UBR2: variants seen among roughly 807,000 people sequenced by gnomAD.
The protein encoded by UBR2 is E3 ubiquitin-protein ligase UBR2.
A neutral mutation model predicts 247.9 loss-of-function variants in UBR2; 92 were observed. That is an observed-to-expected ratio of 0.37 (90% CI 0.31 to 0.44). The LOEUF (loss-of-function observed/expected upper bound fraction) is 0.44. UBR2 is among the 20% of genes least tolerant of loss of function. The pLI is 1.00. For synonymous variants in UBR2, 672 were observed against 693.5 expected (o/e 0.97, Z 0.49); for missense variants, 1,613 against 2,112.6 (o/e 0.76, Z 4.64).
intron 2 of UBR2, among the ~76,000 whole-genome samples, chr6:42,583,990 G>A (rs1248739296): frequency 8.8e-6 from 1 of 113,194 alleles, no homozygotes; most frequent in Non-Finnish European, 1.7e-5. Flanking sequence ...TCTCCCCATT[G>A]AATTTTTTTT....
At chr6:42,614,328 G>GTATATGTGTATATGTGTATGTA (rs1794332494) in intron 8 of UBR2, among the ~76,000 whole-genome samples, 1 of 137,170 alleles carries the variant, frequency 7.3e-6, no homozygotes, top group Non-Finnish European at 1.5e-5. Flanking sequence ...GTATATATGT[G>GTATATGTGTATATGTGTATGTA]TATATGTGTA....
At chr6:42,619,451 A>AAATTTTTTT (rs1554251924) in intron 11 of UBR2, 1 of 22,998 alleles carries the variant, frequency 4.3e-5, no homozygotes, top group African/African-American at 1.1e-4. Flanking sequence ...ATATATATAT[A>AAATTTTTTT]TATTTTTTTT....
In UBR2 at chr6:42,678,533, T is replaced by G. The variant is rs201976643; in HGVS notation, c.4479-6T>G. The G allele has an allele frequency of 1.8e-3, 2,873 of 1,600,990 alleles. 5 individuals carry two copies. Among genetic ancestry groups the G allele is most frequent in the Non-Finnish European group, 2.3e-3 (2,738 of 1,176,940 alleles). ...ATTTCCCAATAATCTTTTTTTTCTT[T>G]TTTAGTGCCTTGAAAGAAATACCAT... On this transcript the variant is annotated splice_polypyrimidine_tract_variant and splice_region_variant and intron_variant, in intron 40 of 46. Coordinates refer to ENST00000372901, the MANE Select transcript of UBR2 (RefSeq NM_001363705.2).
chr6:42,640,383 GGTGTGTGTGTGTGTGTGTGT>G (rs61668810), intron 16 of UBR2, 113 bp downstream of exon 16: 39 of 174,372 alleles, frequency 2.2e-4, no homozygotes, highest in South Asian at 4.1e-4. Context: ...GAACCAGTAA[GGTGTGTGTGTGTGTGTGTGT>G]GTGTGTGTGT....
At chr6:42,682,235 T>C (rs995786184) in intron 42 of UBR2, among the ~76,000 whole-genome samples, 3 of 152,008 alleles carry the variant, frequency 2.0e-5, no homozygotes, top group Admixed American at 2.0e-4. Flanking sequence ...GAAAGTAGAA[T>C]GGTGGTTCCC....
chr6:42,584,359 G>T (rs1792115738), intron 2 of UBR2, among the ~76,000 whole-genome samples: 1 of 152,148 alleles, frequency 6.6e-6, no homozygotes, highest in African/African-American at 2.4e-5. Flanking sequence ...TTTCTGAACA[G>T]TAATCTAGTT....
chr6:42,677,016 C>T (rs1798757931), intron 40 of UBR2, 143 bp downstream of exon 40: 3 of 659,190 alleles, frequency 4.6e-6, no homozygotes, highest in African/African-American at 3.6e-5. Flanking sequence ...ATCTGCAGAG[C>T]CTTTCTGAAC....
At chr6:42,688,012 A>G (rs1173406932) in intron 44 of UBR2, among the ~76,000 whole-genome samples, 2 of 151,360 alleles carry the variant, frequency 1.3e-5, no homozygotes, top group Non-Finnish European at 2.9e-5. Context: ...GATTCTTTTG[A>G]GTGTTTCCAG....
Position 42,658,309 on chromosome 6 carries a change from A to G in UBR2, c.3052A>G (p.Ile1018Val), listed in dbSNP as rs778344334. 3.7e-6 allele frequency: 6 copies of G among 1,613,756 alleles called. No homozygotes were observed. Among genetic ancestry groups the G allele is most frequent in the South Asian group, 3.3e-5 (3 of 90,980 alleles). ...TCCCGTGGCAGAGACAGAAGGAACC[A>G]TAATGGAAGAGGTATAAACAGTAAA... ...TSPVAETEGT[I>V]MEESSRDKDK... Residue 1018 changes from isoleucine (I) to valine (V), a missense_variant, in exon 28 of 47, where the codon ATA (isoleucine) becomes GTA (valine). Around this residue, in one of 3 missense-constraint regions of UBR2, gnomAD observed 1,524 missense variants for 1,967.3 expected, o/e 0.77. Transcript: ENST00000372901.
rs1212991370 is a variant in UBR2 at position 42,573,912 on chromosome 6, T to C, written c.257T>C (p.Phe86Ser). 6.2e-7 allele frequency: 1 copy of C among 1,613,974 alleles called. No homozygotes were observed. Among genetic ancestry groups the C allele is most frequent in the South Asian group, 1.1e-5 (1 of 91,024 alleles). ...YLCGEDPAFG[F>S]PKLEQANKPS... ...TGTGGTGAAGATCCTGCATTTGGAT[T>C]TCCAAAACTTGAGCAAGCAAACAAA... Residue 86 changes from phenylalanine (F) to serine (S), a missense_variant, in exon 2 of 47, where the codon TTT (phenylalanine) becomes TCT (serine). Around this residue, in one of 3 missense-constraint regions of UBR2, gnomAD observed 1,524 missense variants for 1,967.3 expected, o/e 0.77. Transcript: ENST00000372901.
intron 11 of UBR2, among the ~76,000 whole-genome samples, chr6:42,627,658 C>G (rs1006476639): frequency 2.0e-5 from 3 of 151,952 alleles, no homozygotes; most frequent in South Asian, 4.2e-4. Context: ...CCACTACACA[C>G]CTGGCTAAGT....
At chr6:42,616,947 G>A (rs181479361) in intron 10 of UBR2, among the ~76,000 whole-genome samples, 2 of 152,252 alleles carry the variant, frequency 1.3e-5, no homozygotes, top group East Asian at 3.9e-4. Context: ...ATGCTGCTGT[G>A]GTTTAGCTCC....
rs982292381 is a variant in UBR2, at chr6:42,661,264, G to A, written c.3443-920G>A. On this transcript the variant is annotated intron_variant, in intron 30 of 46. Transcript: ENST00000372901. Reference sequence around the variant, plus strand: ...GATCGCGCCACTGCACTCCAATCTGGGCGACAAAGCGAGACTGTCTTAAAA... The same window carrying A: ...GATCGCGCCACTGCACTCCAATCTGAGCGACAAAGCGAGACTGTCTTAAAA... 6.2e-4 allele frequency among the ~76,000 whole-genome samples: 94 copies of A among 152,034 alleles called. 1 individual carries two copies. Among genetic ancestry groups the A allele is most frequent in the African/African-American group, 1.8e-3 (73 of 41,444 alleles).
At chr6:42,648,740 G>A (rs917651398) in intron 22 of UBR2, among the ~76,000 whole-genome samples, 3 of 151,830 alleles carry the variant, frequency 2.0e-5, no homozygotes, top group African/African-American at 7.2e-5. Flanking sequence ...TTGCTTTTAG[G>A]AAAAATACAA....
chr6:42,662,235 C>T lies in UBR2; in HGVS notation c.3494C>T (p.Thr1165Ile), dbSNP rs759157491. The T allele has an allele frequency of 1.9e-6, 3 of 1,611,786 alleles. No homozygotes were observed. In the East Asian group the frequency reaches 6.7e-5, roughly 36 times the overall value. Residue 1165 changes from threonine to isoleucine, a missense_variant, in exon 31 of 47, where the codon ACT (threonine) becomes ATT (isoleucine). Thr to Ile is a moderately conservative substitution (Grantham distance 89). Coordinates refer to ENST00000372901, the MANE Select transcript of UBR2 (RefSeq NM_001363705.2). Reference sequence around the variant, plus strand: ...CCTGATCTGTCTTGTGGAACACACACTAGTAGCTGTGGGCACATTATGCAT... The same window carrying T: ...CCTGATCTGTCTTGTGGAACACACATTAGTAGCTGTGGGCACATTATGCAT... ...MHPDLSCGTH[T>I]SSCGHIMHAH...
chr6:42,623,847 G>A (rs1022991028), intron 11 of UBR2, among the ~76,000 whole-genome samples: 3 of 151,902 alleles, frequency 2.0e-5, no homozygotes, highest in African/African-American at 7.3e-5. Flanking sequence ...TTCTCCCTTT[G>A]TCTGTTAATA....
At position 42,617,416 on chromosome 6, in the gene UBR2, A is replaced by C. The variant is rs1420014180; in HGVS notation, c.1190A>C (p.Glu397Ala). The C allele has an allele frequency of 3.1e-6, 5 of 1,599,382 alleles. No homozygotes were observed. In the South Asian group the frequency reaches 5.6e-5, roughly 18 times the overall value. Reference protein sequence around the residue: ...LFAVRFAKNYERLQSDYVTDD... With the variant: ...LFAVRFAKNYARLQSDYVTDD... Reference sequence around the variant, plus strand: ...TTTTTGCCTTCTTAATAGAACTATGAGCGTTTGCAGAGTGATTATGTGACA... The same window carrying C: ...TTTTTGCCTTCTTAATAGAACTATGCGCGTTTGCAGAGTGATTATGTGACA... Residue 397 changes from glutamate to alanine, a missense_variant, in exon 11 of 47, where the codon GAG (glutamate) becomes GCG (alanine). Glu to Ala is a moderately radical substitution (Grantham distance 107). Transcript: ENST00000372901.
chr6:42,648,287 G>A, intron 22 of UBR2, 117 bp downstream of exon 22: 1 of 831,398 alleles, frequency 1.2e-6, no homozygotes. Context: ...GAGATTGACA[G>A]ACATTTTCAA....
intron 2 of UBR2, among the ~76,000 whole-genome samples, chr6:42,577,096 T>A (rs1284345282): frequency 6.6e-6 from 1 of 152,150 alleles, no homozygotes; most frequent in Non-Finnish European, 1.5e-5. Context: ...GTGCTGGGGA[T>A]GAATATCTCA....
Sources: allele counts gnomAD v4.1 joint callset (sites outside exome capture counted in the v4.1 genomes callset), GRCh38; gene constraint gnomAD v4.1.1; regional missense constraint gnomAD v4.1.1; transcripts MANE v1.5; gene names NCBI Gene and HGNC (gene_info 2026-07-23, HGNC 2026-07-21).